TUSC3: variants seen among roughly 807,000 people sequenced by gnomAD.
TUSC3 encodes dolichyl-diphosphooligosaccharide--protein glycosyltransferase subunit TUSC3.
TUSC3 carries 45 observed loss-of-function variants against 44.8 expected under a neutral mutation model. The observed-to-expected ratio is 1.00, with a 90% CI of 0.79 to 1.29. TUSC3 has a LOEUF of 1.29. TUSC3 is among the 50% of genes most tolerant of loss of function. The pLI is 0.00. For missense variants in TUSC3, 519 were observed against 437.9 expected, an observed-to-expected ratio of 1.19 and a Z score of -1.65; for synonymous variants, 212 against 152.9, an observed-to-expected ratio of 1.39 and a Z score of -2.85.
At chr8:15,731,343 C>T (rs774120752) in intron 7 of TUSC3, among the ~76,000 whole-genome samples, 22 of 152,076 alleles carry the variant, frequency 1.4e-4, no homozygotes, top group Non-Finnish European at 3.2e-4. Context: ...TTAGTTTGGA[C>T]ACTGTTTTGG....
intron 2 of TUSC3, among the ~76,000 whole-genome samples, chr8:15,489,215 G>A (rs373842741): frequency 1.2e-3 from 180 of 152,266 alleles, no homozygotes; most frequent in African/African-American, 3.9e-3. Context: ...GGAAAGGCAG[G>A]ACAACTTGAA....
At chr8:15,467,463 G>T (rs935923371) in intron 1 of TUSC3, among the ~76,000 whole-genome samples, 1 of 152,106 alleles carries the variant, frequency 6.6e-6, no homozygotes, top group African/African-American at 2.4e-5. Context: ...GTATAATTCT[G>T]CTGTGGGCTA....
chr8:15,501,386 T>C, intron 2 of TUSC3, among the ~76,000 whole-genome samples: 1 of 151,552 alleles, frequency 6.6e-6, no homozygotes, highest in South Asian at 2.1e-4. Flanking sequence ...TTCGCTATAC[T>C]TCACTTTGGC....
intron 2 of TUSC3, among the ~76,000 whole-genome samples, chr8:15,633,296 C>T (rs1249224960): frequency 6.6e-6 from 1 of 152,146 alleles, no homozygotes; most frequent in Non-Finnish European, 1.5e-5. Flanking sequence ...TTCTCTCATC[C>T]ATAGCAACTC....
chr8:15,754,572 CCTT>C (rs543686544), intron 9 of TUSC3, among the ~76,000 whole-genome samples: 8 of 152,052 alleles, frequency 5.3e-5, no homozygotes, highest in Non-Finnish European at 1.0e-4. Context: ...GAACATAACA[CCTT>C]CTACTTTTTT....
intron 1 of TUSC3, among the ~76,000 whole-genome samples, chr8:15,595,788 A>G (rs1280730772): frequency 1.3e-5 from 2 of 152,204 alleles, no homozygotes; most frequent in Non-Finnish European, 2.9e-5. Flanking sequence ...TTCAAGAAGT[A>G]AAATTCTACT....
chr8:15,716,103 A>G (rs1238814471), intron 6 of TUSC3, among the ~76,000 whole-genome samples: 1 of 151,984 alleles, frequency 6.6e-6, no homozygotes, highest in Non-Finnish European at 1.5e-5. Flanking sequence ...TAAAAATACA[A>G]AAATTAGCTT....
intron 1 of TUSC3, among the ~76,000 whole-genome samples, chr8:15,576,123 C>T (rs1003624435): frequency 1.3e-5 from 2 of 151,600 alleles, no homozygotes; most frequent in Non-Finnish European, 2.9e-5. Context: ...CTTGTTAAAG[C>T]AATGAATCAG....
chr8:15,426,871 C>T (rs527289437), intron 1 of TUSC3, among the ~76,000 whole-genome samples: 1 of 152,290 alleles, frequency 6.6e-6, no homozygotes, highest in South Asian at 2.1e-4. Flanking sequence ...AAGGGTTCCA[C>T]ATTTTCTACA....
chr8:15,567,686 AC>A (rs1190471833), intron 1 of TUSC3, among the ~76,000 whole-genome samples: 5 of 152,146 alleles, frequency 3.3e-5, no homozygotes, highest in African/African-American at 1.2e-4. Context: ...TGGGATAGAT[AC>A]TAGGGTGAAA....
At chr8:15,438,725 G>T (rs1799982778) in intron 1 of TUSC3, among the ~76,000 whole-genome samples, 2 of 152,220 alleles carry the variant, frequency 1.3e-5, no homozygotes, top group Admixed American at 1.3e-4. Flanking sequence ...TCTTATATAG[G>T]ACTTCATTTA....
At chr8:15,609,347 T>A (rs913350180) in intron 1 of TUSC3, among the ~76,000 whole-genome samples, 3 of 152,208 alleles carry the variant, frequency 2.0e-5, no homozygotes, top group Admixed American at 2.0e-4. Context: ...TATACTCATT[T>A]ACACTGGTAA....
In TUSC3 at chr8:15,570,822, G is replaced by T. The variant is rs145354909; in HGVS notation, c.138+30254G>T. 3.7e-4 allele frequency among the ~76,000 whole-genome samples: 57 copies of T among 152,086 alleles called. 1 individual carries two copies. The East Asian group carries it at 9.1e-3, about 24-fold the overall frequency. On this transcript the variant is annotated intron_variant, in intron 1 of 10. Coordinates refer to ENST00000503731, the MANE Select transcript of TUSC3 (RefSeq NM_006765.4). ...TTTATCAGTGCTTCTCATACTGAAA[G>T]AAGAGAGTGAATGCATACCTCTGGG...
chr8:15,510,579 A>G (rs899051001), intron 2 of TUSC3, among the ~76,000 whole-genome samples: 1 of 152,204 alleles, frequency 6.6e-6, no homozygotes, highest in Non-Finnish European at 1.5e-5. Flanking sequence ...TTTTTTAAAT[A>G]TCAGTTTGTA....
intron 1 of TUSC3, among the ~76,000 whole-genome samples, chr8:15,565,037 A>G (rs1362537258): frequency 6.6e-6 from 1 of 152,178 alleles, no homozygotes; most frequent in African/African-American, 2.4e-5. Flanking sequence ...ATTATCACAA[A>G]TTTAGAGGCT....
At chr8:15,515,998 C>T (rs932430424) in intron 2 of TUSC3, among the ~76,000 whole-genome samples, 1 of 152,110 alleles carries the variant, frequency 6.6e-6, no homozygotes, top group East Asian at 1.9e-4. Flanking sequence ...AAATTGTTTA[C>T]TATGTCCTTA....
At chr8:15,769,455 A>C (rs774370012), downstream of TUSC3, among the ~76,000 whole-genome samples, 1 of 152,166 alleles carries the variant, frequency 6.6e-6, no homozygotes, top group Non-Finnish European at 1.5e-5. Flanking sequence ...TTAAATGTTA[A>C]GACCTAAAAC....
At chr8:15,501,833 C>T (rs902036868) in intron 2 of TUSC3, among the ~76,000 whole-genome samples, 1 of 152,186 alleles carries the variant, frequency 6.6e-6, no homozygotes, top group Admixed American at 6.5e-5. Context: ...CAAAGTCATA[C>T]TGGTAGACAG....
intron 6 of TUSC3, among the ~76,000 whole-genome samples, chr8:15,684,785 G>C (rs754959344): frequency 6.6e-6 from 1 of 152,180 alleles, no homozygotes; most frequent in Non-Finnish European, 1.5e-5. Context: ...GTTGGGACCA[G>C]ATCCAGGGGT....
Sources: allele counts gnomAD v4.1 joint callset (sites outside exome capture counted in the v4.1 genomes callset), GRCh38; gene constraint gnomAD v4.1.1; transcripts MANE v1.5; gene names NCBI Gene and HGNC (gene_info 2026-07-23, HGNC 2026-07-21).